WDR26: variants seen among roughly 807,000 people sequenced by gnomAD.
WDR26 encodes the protein WD repeat domain 26.
In WDR26, 5 loss-of-function variants were observed where a neutral mutation model predicts 84.1. The ratio of observed to expected loss-of-function variants is 0.06; its 90% confidence interval spans 0.03 to 0.13. WDR26 has a LOEUF of 0.13. Among genes scored for constraint, WDR26 ranks in the 10% least tolerant of loss-of-function variants. The pLI, the probability that WDR26 is intolerant of heterozygous loss-of-function variation, is 1.00. For synonymous variants in WDR26, 415 were observed against 389.6 expected, an observed-to-expected ratio of 1.07 and a Z score of -0.77; for missense variants, 642 against 974.9, an observed-to-expected ratio of 0.66 and a Z score of 4.55.
intron 7 of WDR26, among the ~76,000 whole-genome samples, chr1:224,410,694 C>CTTTTTTTTT (rs397983007): frequency 6.7e-5 from 8 of 118,950 alleles, no homozygotes; most frequent in African/African-American, 1.6e-4. Context: ...ATCTTTCTTT[C>CTTTTTTTTT]TTTTTTTTTT....
intron 7 of WDR26, among the ~76,000 whole-genome samples, chr1:224,407,151 A>AATATATATGT (rs1673599021): frequency 8.4e-5 from 1 of 11,868 alleles, no homozygotes; most frequent in African/African-American, 3.9e-4. Flanking sequence ...AAAAAAAAAA[A>AATATATATGT]ATATATATAT....
At chr1:224,414,101 C>T (rs1293252257) in intron 6 of WDR26, among the ~76,000 whole-genome samples, 3 of 151,336 alleles carry the variant, frequency 2.0e-5, no homozygotes, top group African/African-American at 7.3e-5. Context: ...CGTGAGCCAC[C>T]ACGCCCGGCC....
intron 4 of WDR26, among the ~76,000 whole-genome samples, chr1:224,421,008 C>T (rs1219746910): frequency 1.3e-5 from 2 of 152,064 alleles, no homozygotes; most frequent in Admixed American, 1.3e-4. Flanking sequence ...ACAAAAGTGA[C>T]TTAGAATTGC....
At chr1:224,431,617 C>A in intron 2 of WDR26, 36 bp from the exon 3 acceptor site, 1 of 1,611,042 alleles carries the variant, frequency 6.2e-7, no homozygotes, top group Non-Finnish European at 8.5e-7. Flanking sequence ...ACAGAAATGT[C>A]ACAAAATGCA....
chr1:224,401,564 T>G (rs1315676608), intron 8 of WDR26, among the ~76,000 whole-genome samples: 1 of 149,954 alleles, frequency 6.7e-6, no homozygotes, highest in Non-Finnish European at 1.5e-5. Context: ...ATCCCAGCTA[T>G]TCAAGAGGCT....
intron 7 of WDR26, among the ~76,000 whole-genome samples, chr1:224,407,473 C>T (rs1187979241): frequency 2.1e-5 from 3 of 145,938 alleles, no homozygotes; most frequent in South Asian, 2.1e-4. Flanking sequence ...CACACACACA[C>T]GTTCAAAAAG....
chr1:224,394,033 GA>G lies in WDR26; in HGVS notation c.2075-21del. 1 of 1,411,446 alleles carries G rather than the reference GA, an allele frequency of 7.1e-7. No individual in the cohort carries two copies. The highest frequency in any genetic ancestry group is 9.4e-7 in the Non-Finnish European group (1 of 1,065,676). The allele number at this position is 1,411,446 out of a possible 1,614,324, so 87.4% of individuals were successfully genotyped here. A position where few individuals can be genotyped will look rare whatever the true frequency, so the allele number is the denominator to read the frequency against. On this transcript the variant is annotated intron_variant, in intron 12 of 13. Coordinates refer to ENST00000414423, the MANE Select transcript of WDR26 (RefSeq NM_001379403.1). Reference sequence around the variant, plus strand: ...TGTGATCTGAACATATAGTAATTCAGAAAAAAGTTTTACATTAATAAAACCA... The same window carrying G: ...TGTGATCTGAACATATAGTAATTCAGAAAAAGTTTTACATTAATAAAACCA...
rs536194529 is a variant in WDR26, at chr1:224,426,854, T to G, written c.928-2200A>C. 6.6e-5 allele frequency among the ~76,000 whole-genome samples: 10 copies of G among 151,732 alleles called. 1 individual carries two copies. The South Asian group carries it at 2.1e-3, about 32-fold the overall frequency. On this transcript the variant is annotated intron_variant, in intron 3 of 13. Coordinates refer to ENST00000414423, the MANE Select transcript of WDR26 (RefSeq NM_001379403.1). The stretch of plus-strand genomic sequence containing the variant: ...GCTCACACCTGTAATCCCAGCACTT[T>G]GGGAGGCTGAGGCGGGTGGATCACG...
chr1:224,431,544 T>A lies in WDR26; in HGVS notation c.860A>T (p.His287Leu). The change falls in exon 3 of 14, where the codon CAT becomes CTT. Residue 287 changes from histidine (H) to leucine (L), a missense_variant. Physicochemically the swap from His to Leu is moderately conservative, Grantham distance 99. This residue lies in a region of WDR26 where 351 missense variants were observed against 672.8 expected (regional missense o/e 0.52). Coordinates refer to ENST00000414423, the MANE Select transcript of WDR26 (RefSeq NM_001379403.1). ...TCTTACCACAATAGCATGAGGAGAA[T>A]GCACTAAAGGCTTTAGTTCATTCAG... 6.2e-7 allele frequency: 1 copy of A among 1,614,072 alleles called. No individual in the cohort carries two copies. The highest frequency in any genetic ancestry group is 1.1e-5 in the South Asian group (1 of 91,058).
chr1:224,401,131 G>GA (rs369474403), intron 8 of WDR26, 62 bp from the exon 9 acceptor site: 19,833 of 1,262,470 alleles, frequency 0.016, 31 homozygotes, highest in African/African-American at 0.042. Flanking sequence ...AATTATGTGA[G>GA]AAAAAAAAAA....
intron 2 of WDR26, 48 bp from the exon 3 acceptor site, chr1:224,431,629 A>G (rs1674396755): frequency 1.2e-6 from 2 of 1,610,270 alleles, no homozygotes; most frequent in African/African-American, 2.7e-5. Flanking sequence ...CAAAATGCAC[A>G]TCAAATCTGT....
chr1:224,394,924 T>C (rs911325448), intron 12 of WDR26, among the ~76,000 whole-genome samples: 2 of 152,126 alleles, frequency 1.3e-5, no homozygotes, highest in Non-Finnish European at 2.9e-5. Context: ...CTAGTGAGAG[T>C]AGACAATGGT....
At chr1:224,421,810 T>G (rs1674072431) in intron 4 of WDR26, among the ~76,000 whole-genome samples, 1 of 152,268 alleles carries the variant, frequency 6.6e-6, no homozygotes. Flanking sequence ...CAAGATGTGG[T>G]AGTGGGTAAG....
chr1:224,418,480 T>A, intron 5 of WDR26, 64 bp from the exon 6 acceptor site: 2 of 1,439,560 alleles, frequency 1.4e-6, no homozygotes, highest in Non-Finnish European at 1.9e-6. Flanking sequence ...ATTTAAGACA[T>A]TTGCTCATCT....
chr1:224,410,170 ACTCG>A (rs1673694470), intron 7 of WDR26, among the ~76,000 whole-genome samples: 1 of 150,644 alleles, frequency 6.6e-6, no homozygotes, highest in Admixed American at 6.7e-5. Context: ...AATCCCAGCT[ACTCG>A]GGAGGCTGAG....
At chr1:224,411,705 T>A in intron 6 of WDR26, 140 bp from the exon 7 acceptor site, 6 of 177,388 alleles carry the variant, frequency 3.4e-5, no homozygotes, top group South Asian at 1.8e-4. Flanking sequence ...TTTGTAAATC[T>A]TTTTTTTTTT....
chr1:224,411,337 G>C (rs1289575355), intron 7 of WDR26, 90 bp downstream of exon 7: 1 of 1,339,502 alleles, frequency 7.5e-7, no homozygotes, highest in South Asian at 1.8e-5. Context: ...GAATACTATT[G>C]ATACATATAT....
chr1:224,406,465 A>G (rs979881178), intron 7 of WDR26, among the ~76,000 whole-genome samples: 3 of 152,220 alleles, frequency 2.0e-5, no homozygotes, highest in Non-Finnish European at 4.4e-5. Context: ...GTCTGATAAA[A>G]TTAGGTTGGA....
At position 224,398,087 on chromosome 1, in the gene WDR26, C is replaced by T. The variant is rs1245068104; in HGVS notation, c.2074+10G>A. ...ATCAACATATGTAAACTGATAAGGA[C>T]ACAATTTACCTTCACTGCCACTAGC... On this transcript the variant is annotated intron_variant, in intron 12 of 13. Transcript: ENST00000414423. 5.0e-6 allele frequency: 8 copies of T among 1,611,456 alleles called. No homozygotes were observed. Among genetic ancestry groups the T allele is most frequent in the Admixed American group, 1.7e-5 (1 of 59,374 alleles).
Sources: allele counts gnomAD v4.1 joint callset (sites outside exome capture counted in the v4.1 genomes callset), GRCh38; gene constraint gnomAD v4.1.1; regional missense constraint gnomAD v4.1.1; transcripts MANE v1.5; gene names NCBI Gene and HGNC (gene_info 2026-07-23, HGNC 2026-07-21).